DSP: variants seen among roughly 807,000 people sequenced by gnomAD.
DSP encodes desmoplakin, also known as 250/210 kDa paraneoplastic pemphigus antigen.
Under a neutral mutation model 290.6 loss-of-function variants are expected in DSP, and 114 were observed. The ratio of observed to expected loss-of-function variants is 0.39; its 90% CI spans 0.34 to 0.46. DSP has a LOEUF of 0.46. Ranked by LOEUF, DSP falls within the 20% of genes least tolerant of loss-of-function variation. The pLI, the probability that DSP is intolerant of heterozygous loss-of-function variation, is 0.99. For missense variants in DSP, 3,230 were observed against 3,495.8 expected, an observed-to-expected ratio of 0.92 and a Z score of 1.92; for synonymous variants, 1,311 against 1,316.4, an observed-to-expected ratio of 1.00 and a Z score of 0.09.
intron 2 of DSP, among the ~76,000 whole-genome samples, chr6:7,557,021 G>A (rs1364473937): frequency 1.3e-5 from 2 of 151,666 alleles, no homozygotes; most frequent in African/African-American, 4.9e-5. Context: ...ATGCATCAAC[G>A]TGCAATAAAT....
In DSP at chr6:7,541,771, G is replaced by A. The variant is rs1036402914; in HGVS notation, c.-145G>A. The A allele has an allele frequency of 1.0e-4, 107 of 1,072,890 alleles. No homozygotes were observed. The highest frequency in any genetic ancestry group is 1.3e-4 in the Non-Finnish European group (98 of 773,358). The allele number at this position is 1,072,890 out of a possible 1,614,324, so 66.5% of individuals were successfully genotyped here. ...TCGCAGCGGCCTCGGGAGGGCCCAG[G>A]TAGCGAGCAGCGACCTCGCGAGCCT... On this transcript the variant is annotated 5_prime_UTR_variant, in exon 1 of 24. Coordinates refer to ENST00000379802, the MANE Select transcript of DSP (RefSeq NM_004415.4).
At chr6:7,577,259 C>T (rs1468874830) in intron 20 of DSP, among the ~76,000 whole-genome samples, 1 of 152,208 alleles carries the variant, frequency 6.6e-6, no homozygotes. Flanking sequence ...TATTCTTTGA[C>T]TGGTGGTAGG....
Position 7,542,061 on chromosome 6 carries a change from C to A in DSP, c.146C>A (p.Thr49Asn). The A allele has an allele frequency of 6.4e-7, 1 of 1,568,254 alleles. No individual in the cohort carries two copies. The highest frequency in any genetic ancestry group is 8.6e-7 in the Non-Finnish European group (1 of 1,156,980). ...TACTATTCTCGGCGCGGCGTGATCA[C>A]CGACCAGAACTCGGACGGCTACTGG... ...RMYYSRRGVI[T>N]DQNSDGYCQT... Residue 49 changes from threonine to asparagine, a missense_variant, in exon 1 of 24, where the codon ACC becomes AAC. Thr to Asn is a moderately conservative substitution (Grantham distance 65). This residue lies in a region of DSP where 646 missense variants were observed against 684.3 expected (regional missense o/e 0.94). Coordinates refer to ENST00000379802, the MANE Select transcript of DSP (RefSeq NM_004415.4).
Position 7,569,328 on chromosome 6 carries a change from A to G in DSP, c.1562A>G (p.Asp521Gly). The change falls in exon 12 of 24, where the codon GAC becomes GGC. Residue 521 changes from aspartate (D) to glycine (G), a missense_variant. This residue lies in a region of DSP where 646 missense variants were observed against 684.3 expected (regional missense o/e 0.94). Coordinates refer to ENST00000379802, the MANE Select transcript of DSP (RefSeq NM_004415.4). ...IIPPPNPLAV[D>G]LSCKIEQYYE... ...CCTCCTCCGAACCCACTGGCCGTGGACCTCTCTTGCAAGTAAGTCATCCAA... is the reference window on the plus strand; with the variant it reads ...CCTCCTCCGAACCCACTGGCCGTGGGCCTCTCTTGCAAGTAAGTCATCCAA... The G allele has an allele frequency of 6.2e-7, 1 of 1,614,072 alleles. No homozygotes were observed.
chr6:7,565,376 G>C lies in DSP; in HGVS notation c.795G>C (p.Arg265Ser). The change falls in exon 7 of 24, where the codon AGG (arginine) becomes AGC (serine). Residue 265 changes from arginine (R) to serine (S), a missense_variant. Around this residue, in one of 5 missense-constraint regions of DSP, gnomAD observed 646 missense variants for 684.3 expected, o/e 0.94. Coordinates refer to ENST00000379802, the MANE Select transcript of DSP (RefSeq NM_004415.4). This position sits in a 1 kb window ranked among gnomAD's most constrained non-coding sequence, Gnocchi z 4.2. The part of the protein sequence containing the change: ...YENLLKASFE[R>S]MDHLRQLQNI... ...CTGTGCAGAAAGCGTCCTTTGAGAG[G>C]ATGGATCACCTGCGACAGCTGCAGA... is the stretch of plus-strand genomic sequence containing the variant. The C allele has an allele frequency of 6.2e-7, 1 of 1,614,072 alleles. No individual in the cohort carries two copies. The highest frequency in any genetic ancestry group is 8.5e-7 in the Non-Finnish European group (1 of 1,179,994).
In DSP at chr6:7,555,786, A is replaced by G; in HGVS notation, c.239A>G (p.Asp80Gly). ...TIQELLQNCS[D>G]CLMRAELIVQ... is the part of the protein sequence containing the mutation. ...CAGGAGCTGCTGCAGAACTGCTCCG[A>G]CTGCTTGATGCGAGCAGAGCTCATC... Residue 80 changes from aspartate (D) to glycine (G), a missense_variant, in exon 2 of 24, where the codon GAC becomes GGC. Coordinates refer to ENST00000379802, the MANE Select transcript of DSP (RefSeq NM_004415.4). The G allele has an allele frequency of 6.2e-7, 1 of 1,614,244 alleles. No individual in the cohort carries two copies. The highest frequency in any genetic ancestry group is 8.5e-7 in the Non-Finnish European group (1 of 1,180,046).
Position 7,568,563 on chromosome 6 carries a change from GCT to G in DSP, c.1398_1399del (p.Cys467Ter). ...AAGCAATAAACCCATTATTCTCAGA[GCT>G]CTCTGTGACTACAAACAAGATCAGG... Reference protein sequence around the residue: ...YRSNKPIILRALCDYKQDQKI... With the variant: ...YRSNKPIILRXLCDYKQDQKI... On this transcript the variant is annotated frameshift_variant, in exon 11 of 24. Coordinates refer to ENST00000379802, the MANE Select transcript of DSP (RefSeq NM_004415.4). LOFTEE classifies it high-confidence loss of function. 1 of 1,614,020 alleles carries G rather than the reference GCT, an allele frequency of 6.2e-7. No homozygotes were observed. The highest frequency in any genetic ancestry group is 8.5e-7 in the Non-Finnish European group (1 of 1,180,020).
chr6:7,568,814 G>A (rs1304205155), intron 11 of DSP, among the ~76,000 whole-genome samples: 2 of 152,220 alleles, frequency 1.3e-5, no homozygotes, highest in Admixed American at 6.5e-5. Flanking sequence ...TTAAAAATTC[G>A]CAAGGCTTAA....
Position 7,565,739 on chromosome 6 carries a change from C to T in DSP, c.939+219C>T, listed in dbSNP as rs1447022067. 5.3e-6 allele frequency: 3 copies of T among 570,946 alleles called. No individual in the cohort carries two copies. The highest frequency in any genetic ancestry group is 6.2e-6 in the Non-Finnish European group (2 of 321,114). 35.4% of individuals were successfully genotyped at this position (570,946 alleles called of 1,614,324 possible). ...TGCGGGAACAGAAAACCAAATACCA[C>T]ATGTTCTCACTTAGGAGTGGGAACT... On this transcript the variant is annotated intron_variant, in intron 7 of 23. Transcript: ENST00000379802. The surrounding 1 kb of genome is among the most constrained non-coding windows in gnomAD (Gnocchi z 4.2).
At chr6:7,581,890 G>A (rs1759449985) in intron 23 of DSP, among the ~76,000 whole-genome samples, 1 of 152,078 alleles carries the variant, frequency 6.6e-6, no homozygotes, top group Non-Finnish European at 1.5e-5. Context: ...CTCTTATTTA[G>A]TGAGCTATGA....
intron 1 of DSP, among the ~76,000 whole-genome samples, chr6:7,544,313 GT>G (rs1488147356): frequency 6.6e-6 from 1 of 152,208 alleles, no homozygotes; most frequent in Non-Finnish European, 1.5e-5. Context: ...TGGCATTCTG[GT>G]TTTGTGTGGA....
At chr6:7,555,066 G>C (rs933056401) in intron 1 of DSP, among the ~76,000 whole-genome samples, 4 of 152,180 alleles carry the variant, frequency 2.6e-5, no homozygotes, top group African/African-American at 9.7e-5. Flanking sequence ...CCTGCAGAGG[G>C]ACTTGTGGTG....
Position 7,579,751 on chromosome 6 carries a change from A to G in DSP, c.3561A>G (p.Glu1187=), listed in dbSNP as rs1386505039. The stretch of plus-strand genomic sequence containing the variant: ...AGGAAGAAGGCACCCGGAAGAGAGA[A>G]TATGAAAATGAGCTGGCAAAGGTAA... ...LLQEEGTRKR[E]YENELAKVRN... is the part of the protein sequence containing the mutation. Residue 1187 remains glutamate (E), a synonymous_variant, in exon 23 of 24, where the codon GAA becomes GAG. Coordinates refer to ENST00000379802, the MANE Select transcript of DSP (RefSeq NM_004415.4). The surrounding 1 kb of genome is among the most constrained non-coding windows in gnomAD (Gnocchi z 4.1). The G allele has an allele frequency of 6.2e-7, 1 of 1,613,756 alleles. No homozygotes were observed. The highest frequency in any genetic ancestry group is 1.3e-5 in the African/African-American group (1 of 74,882).
rs935504136 is a variant in DSP at position 7,574,201 on chromosome 6, T to C, written c.2246T>C (p.Leu749Pro). ...TATTTACAGAATGAAGTATTTGGAC[T>C]ATTTCAGAAACTGGAAAATATCAAT... ...YCYLQNEVFGLFQKLENINGV... is the reference protein window; with the variant it reads ...YCYLQNEVFGPFQKLENINGV... The change falls in exon 16 of 24, where the codon CTA (leucine) becomes CCA (proline). Residue 749 changes from leucine to proline, a missense_variant. This residue lies in a region of DSP where 1,714 missense variants were observed against 1,844.5 expected (regional missense o/e 0.93). Transcript: ENST00000379802. The C allele has an allele frequency of 9.9e-6, 16 of 1,613,980 alleles. No individual in the cohort carries two copies. Among genetic ancestry groups the C allele is most frequent in the Admixed American group, 1.7e-5 (1 of 60,010 alleles).
intron 1 of DSP, among the ~76,000 whole-genome samples, chr6:7,544,992 T>C (rs1211706612): frequency 1.3e-5 from 2 of 152,242 alleles, no homozygotes; most frequent in African/African-American, 2.4e-5. Context: ...AGAATTACTC[T>C]AGTCTTATTC....
chr6:7,578,643 G>T lies in DSP; in HGVS notation c.3084+81G>T. Reference sequence around the variant, plus strand: ...ATTATTACTTCCACATTATAACATGGATTTGGACACATCCTGGTGAAACTG... The same window carrying T: ...ATTATTACTTCCACATTATAACATGTATTTGGACACATCCTGGTGAAACTG... On this transcript the variant is annotated intron_variant, in intron 22 of 23. Transcript: ENST00000379802. 5.4e-6 allele frequency: 6 copies of T among 1,114,036 alleles called. No individual in the cohort carries two copies. The South Asian group carries it at 7.5e-5, about 14-fold the overall frequency. 69.0% of individuals were successfully genotyped at this position (1,114,036 alleles called of 1,614,324 possible).
At position 7,567,894 on chromosome 6, in the gene DSP, C is replaced by T. The variant is rs752264359; in HGVS notation, c.1254C>T (p.Ile418=). ...CCCTGCAGCACCTGCTGGAACAGAT[C>T]AAGGAGCTGGAGGTATCGTCTCAGA... The part of the protein sequence containing the change: ...NMPLQHLLEQ[I]KELEKEREKI... Residue 418 remains isoleucine (I), a synonymous_variant, in exon 10 of 24, where the codon ATC becomes ATT. Coordinates refer to ENST00000379802, the MANE Select transcript of DSP (RefSeq NM_004415.4). 6.2e-7 allele frequency: 1 copy of T among 1,613,720 alleles called. No individual in the cohort carries two copies. The highest frequency in any genetic ancestry group is 1.7e-5 in the Admixed American group (1 of 59,990).
Position 7,569,346 on chromosome 6 carries a change from T to A in DSP, c.1574+6T>A. Reference sequence around the variant, plus strand: ...GCCGTGGACCTCTCTTGCAAGTAAGTCATCCAAGTTCCCAAAGCCACGCAT... The same window carrying A: ...GCCGTGGACCTCTCTTGCAAGTAAGACATCCAAGTTCCCAAAGCCACGCAT... On this transcript the variant is annotated splice_donor_region_variant and intron_variant, in intron 12 of 23. Coordinates refer to ENST00000379802, the MANE Select transcript of DSP (RefSeq NM_004415.4). 2 of 1,614,102 alleles carry A rather than the reference T, an allele frequency of 1.2e-6. No individual in the cohort carries two copies. The highest frequency in any genetic ancestry group is 1.1e-5 in the South Asian group (1 of 91,078).
chr6:7,570,285 C>A, intron 12 of DSP, 152 bp from the exon 13 acceptor site: 1 of 1,135,262 alleles, frequency 8.8e-7, no homozygotes, highest in Non-Finnish European at 1.3e-6. Flanking sequence ...GAATCCAAAT[C>A]CATGAACTGT....
Sources: allele counts gnomAD v4.1 joint callset (sites outside exome capture counted in the v4.1 genomes callset), GRCh38; gene constraint gnomAD v4.1.1; regional missense constraint gnomAD v4.1.1; non-coding constraint Gnocchi (gnomAD v3.1); transcripts MANE v1.5; gene names NCBI Gene and HGNC (gene_info 2026-07-23, HGNC 2026-07-21).